The following CDH15 variants were observed in gnomAD, a reference collection of about 807,000 sequenced individuals.
The protein encoded by CDH15 is cadherin 15.
A neutral mutation model predicts 69.4 loss-of-function variants in CDH15; 73 were observed. The observed-to-expected ratio is 1.05, with a 90% CI of 0.87 to 1.28. CDH15 has a LOEUF of 1.28. CDH15 is among the 50% of genes most tolerant of loss of function. The pLI is 0.00. For missense variants in CDH15, 1,343 were observed against 1,133.6 expected (o/e 1.18, Z -2.65); for synonymous variants, 624 against 507.7 (o/e 1.23, Z -3.08).
intron 6 of CDH15, 80 bp downstream of exon 6, chr16:89,187,637 G>A (rs374884479): frequency 3.8e-6 from 6 of 1,579,390 alleles, no homozygotes; most frequent in Non-Finnish European, 5.2e-6. Flanking sequence ...GAAGGCAGCG[G>A]GCTTCATGAT....
Position 89,183,634 on chromosome 16 carries a change from C to T in CDH15, c.444C>T (p.Asn148=). The T allele has an allele frequency of 1.2e-6, 2 of 1,613,894 alleles. No individual in the cohort carries two copies. The highest frequency in any genetic ancestry group is 1.7e-6 in the Non-Finnish European group (2 of 1,179,946). Reference sequence around the variant, plus strand: ...TTGTAGTTGTGGATCAGAATGACAACCGGCCAGCCTTCCTGCAGGAGGCGT... The same window carrying T: ...TTGTAGTTGTGGATCAGAATGACAATCGGCCAGCCTTCCTGCAGGAGGCGT... ...LEIVVVDQND[N]RPAFLQEAFT... Residue 148 remains asparagine (N), a synonymous_variant, in exon 4 of 14, where the codon AAC becomes AAT. Coordinates refer to ENST00000289746, the MANE Select transcript of CDH15 (RefSeq NM_004933.3).
At chr16:89,185,010 G>A (rs1025840578) in intron 4 of CDH15, among the ~76,000 whole-genome samples, 163 bp from the exon 5 acceptor site, 6 of 152,212 alleles carry the variant, frequency 3.9e-5, no homozygotes, top group East Asian at 1.9e-4. Context: ...CATGCTGGCC[G>A]CCTCGGTGAC....
chr16:89,192,483 C>T (rs1241824110), intron 11 of CDH15, 39 bp downstream of exon 11: 2 of 1,556,992 alleles, frequency 1.3e-6, no homozygotes, highest in Non-Finnish European at 1.7e-6. Context: ...CCCTCGGACC[C>T]TCGGACCCTC....
chr16:89,189,012 C>T (rs1203905470), intron 7 of CDH15, among the ~76,000 whole-genome samples: 1 of 149,708 alleles, frequency 6.7e-6, no homozygotes, highest in African/African-American at 2.5e-5. Flanking sequence ...GATGCCCACA[C>T]ACAGGTGCCC....
At chr16:89,171,921 G>T in intron 1 of CDH15, 48 bp downstream of exon 1, 2 of 1,520,576 alleles carry the variant, frequency 1.3e-6, no homozygotes, top group South Asian at 2.4e-5. Context: ...CCTCGACGCT[G>T]CGGGACAGTG....
At chr16:89,190,055 A>T (rs1318000869) in intron 7 of CDH15, among the ~76,000 whole-genome samples, 188 bp from the exon 8 acceptor site, 1 of 152,226 alleles carries the variant, frequency 6.6e-6, no homozygotes, top group Non-Finnish European at 1.5e-5. Context: ...CACCACACAC[A>T]ACCAGCATTT....
chr16:89,174,324 C>T (rs543530760), intron 1 of CDH15, among the ~76,000 whole-genome samples: 3 of 152,222 alleles, frequency 2.0e-5, no homozygotes, highest in African/African-American at 7.2e-5. Context: ...GCCTGAGAAG[C>T]TTGAGGGGCC....
Position 89,190,412 on chromosome 16 carries a change from G to T in CDH15, c.1148G>T (p.Ser383Ile), listed in dbSNP as rs1384250336. The change falls in exon 8 of 14, where the codon AGC becomes ATC. Residue 383 changes from serine (S) to isoleucine (I), a missense_variant. Physicochemically the swap from Ser to Ile is moderately radical, Grantham distance 142. Transcript: ENST00000289746. The stretch of plus-strand genomic sequence containing the variant: ...TTCCAGGAGAACCCACTTCGGACCA[G>T]CCTAGCAGAGGGGGCACCCCCAGGC... ...PVFQENPLRTSLAEGAPPGTL... is the reference protein window; with the variant it reads ...PVFQENPLRTILAEGAPPGTL... 1 of 1,612,006 alleles carries T rather than the reference G, an allele frequency of 6.2e-7. No individual in the cohort carries two copies. Among genetic ancestry groups the T allele is most frequent in the Non-Finnish European group, 8.5e-7 (1 of 1,179,722 alleles).
At chr16:89,191,214 G>A in intron 8 of CDH15, 116 bp from the exon 9 acceptor site, 2 of 1,167,314 alleles carry the variant, frequency 1.7e-6, no homozygotes, top group Admixed American at 1.7e-5. Context: ...GTGCATGCAT[G>A]TGGTATGTAT....
rs371817617 is a variant in CDH15 at position 89,194,953 on chromosome 16, C to T, written c.2243C>T (p.Thr748Met). 1.7e-5 allele frequency: 28 copies of T among 1,609,250 alleles called. No individual in the cohort carries two copies. Among genetic ancestry groups the T allele is most frequent in the Middle Eastern group, 1.7e-4 (1 of 6,054 alleles). ...GAGGGTGACGGCTCGGTGGCGGGGA[C>T]GCTGAGCTCCATCCTGTCCAGCCAG... ...DYEGDGSVAG[T>M]LSSILSSQGD... Residue 748 changes from threonine to methionine, a missense_variant, in exon 14 of 14, where the codon ACG becomes ATG. By Grantham distance (81) the Thr-to-Met change is moderately conservative (BLOSUM62 -1). Transcript: ENST00000289746.
intron 1 of CDH15, among the ~76,000 whole-genome samples, chr16:89,176,159 G>T (rs578047272): frequency 4.6e-5 from 7 of 152,196 alleles, no homozygotes; most frequent in Admixed American, 3.9e-4. Flanking sequence ...TCTCCTTCCC[G>T]GCCCCCGCCC....
In CDH15 at chr16:89,190,351, C is replaced by T. The variant is rs765689002; in HGVS notation, c.1087C>T (p.Arg363Cys). 25 of 1,612,656 alleles carry T rather than the reference C, an allele frequency of 1.6e-5. No individual in the cohort carries two copies. The highest frequency in any genetic ancestry group is 1.0e-4 in the Admixed American group (6 of 59,968). Residue 363 changes from arginine (R) to cysteine (C), a missense_variant, in exon 8 of 14, where the codon CGC becomes TGC. Physicochemically the swap from Arg to Cys is radical, Grantham distance 180. Transcript: ENST00000289746. Reference protein sequence around the residue: ...LRAERGQAKVRVHVQDTNEPP... With the variant: ...LRAERGQAKVCVHVQDTNEPP... Reference sequence around the variant, plus strand: ...GGCTGAGCGGGGCCAGGCCAAGGTCCGCGTGCATGTGCAGGACACCAACGA... The same window carrying T: ...GGCTGAGCGGGGCCAGGCCAAGGTCTGCGTGCATGTGCAGGACACCAACGA...
intron 1 of CDH15, among the ~76,000 whole-genome samples, chr16:89,173,373 C>G (rs558705167): frequency 6.6e-6 from 1 of 152,258 alleles, no homozygotes; most frequent in Non-Finnish European, 1.5e-5. Flanking sequence ...TTCAAAAGGC[C>G]CCAGGGGGCT....
At chr16:89,193,346 C>T (rs1165002476) in intron 11 of CDH15, 124 bp from the exon 12 acceptor site, 5 of 564,780 alleles carry the variant, frequency 8.9e-6, no homozygotes, top group Non-Finnish European at 1.2e-5. Flanking sequence ...CTGCCGCCCC[C>T]TCAACCCCAC....
In CDH15 at chr16:89,188,302, T is replaced by G. The variant is rs756572601; in HGVS notation, c.978+17T>G. On this transcript the variant is annotated intron_variant, in intron 7 of 13. Transcript: ENST00000289746. The stretch of plus-strand genomic sequence containing the variant: ...ATTGTGAAGGTGAGCGGCCCCCGGC[T>G]GGCACACAGATGCCGGCAGACGCAG... The G allele has an allele frequency of 6.2e-7, 1 of 1,610,386 alleles. No homozygotes were observed. Among genetic ancestry groups the G allele is most frequent in the Non-Finnish European group, 8.5e-7 (1 of 1,178,484 alleles).
chr16:89,189,831 C>A (rs1023861652), intron 7 of CDH15, among the ~76,000 whole-genome samples: 2 of 152,164 alleles, frequency 1.3e-5, no homozygotes, highest in African/African-American at 4.8e-5. Flanking sequence ...ACGTGCAGAC[C>A]ACAGGCTGGA....
At position 89,188,096 on chromosome 16, in the gene CDH15, C is replaced by T; in HGVS notation, c.793-4C>T. 1 of 1,608,898 alleles carries T rather than the reference C, an allele frequency of 6.2e-7. No homozygotes were observed. Among genetic ancestry groups the T allele is most frequent in the Non-Finnish European group, 8.5e-7 (1 of 1,178,128 alleles). ...GGTAACTGGGGCTGGGATCCCCCAC[C>T]CAGTTCTTCATGGAGGCCATAGAGG... On this transcript the variant is annotated splice_polypyrimidine_tract_variant and splice_region_variant and intron_variant, in intron 6 of 13. Transcript: ENST00000289746.
At position 89,192,405 on chromosome 16, in the gene CDH15, G is replaced by T. The variant is rs898949121; in HGVS notation, c.1816G>T (p.Ala606Ser). Residue 606 changes from alanine (A) to serine (S), a missense_variant, in exon 11 of 14, where the codon GCA (alanine) becomes TCA (serine). Transcript: ENST00000289746. Reference sequence around the variant, plus strand: ...GGGGGGCACAGGCCTCAGCCTGGGCGCACTGGTCATCGTGCTGGCCAGCGC... The same window carrying T: ...GGGGGGCACAGGCCTCAGCCTGGGCTCACTGGTCATCGTGCTGGCCAGCGC... ...LAGGTGLSLGALVIVLASALL... is the reference protein window; with the variant it reads ...LAGGTGLSLGSLVIVLASALL... 3 of 1,542,354 alleles carry T rather than the reference G, an allele frequency of 1.9e-6. No individual in the cohort carries two copies. The highest frequency in any genetic ancestry group is 2.6e-6 in the Non-Finnish European group (3 of 1,150,904).
At position 89,179,533 on chromosome 16, in the gene CDH15, G is replaced by A. The variant is rs138572161; in HGVS notation, c.160G>A (p.Val54Ile). 3.8e-4 allele frequency: 616 copies of A among 1,610,922 alleles called. 5 individuals carry two copies. The South Asian group carries it at 4.5e-3, about 12-fold the overall frequency. The change falls in exon 2 of 14, where the codon GTA becomes ATA. Residue 54 changes from valine (V) to isoleucine (I), a missense_variant. Transcript: ENST00000289746. The stretch of plus-strand genomic sequence containing the variant: ...GGCCTGGGTCATCCCCCCGATCAGC[G>A]TATCCGAGAACCACAAGCGTCTCCC... ...RRAWVIPPISVSENHKRLPYP... is the reference protein window; with the variant it reads ...RRAWVIPPISISENHKRLPYP...
Sources: gnomAD v4.1 joint callset for allele counts (sites outside exome capture counted in the v4.1 genomes callset) on GRCh38, gnomAD v4.1.1 for gene constraint, MANE v1.5 for transcripts, NCBI Gene and HGNC (gene_info 2026-07-23, HGNC 2026-07-21) for gene names.